The following C21orf58 variants were observed in gnomAD, a reference collection of about 807,000 sequenced individuals.
C21orf58 encodes the protein uncharacterized protein C21orf58.
Under a neutral mutation model 35.8 loss-of-function variants are expected in C21orf58, and 34 were observed. That is an observed-to-expected ratio of 0.95 (90% confidence interval 0.72 to 1.26). The LOEUF is 1.26. C21orf58 is among the 50% of genes most tolerant of loss of function. The pLI, the probability that C21orf58 is intolerant of heterozygous loss-of-function variation, is 0.00. For synonymous variants in C21orf58, 191 were observed against 175.8 expected, an observed-to-expected ratio of 1.09 and a Z score of -0.68; for missense variants, 440 against 414.3, an observed-to-expected ratio of 1.06 and a Z score of -0.54.
chr21:46,320,109 A>ATT (rs752401484), intron 1 of C21orf58, among the ~76,000 whole-genome samples: 5 of 149,786 alleles, frequency 3.3e-5, no homozygotes, highest in Non-Finnish European at 7.4e-5. Flanking sequence ...CATCTTATGT[A>ATT]TTTTTTTTTG....
intron 6 of C21orf58, among the ~76,000 whole-genome samples, chr21:46,306,350 T>G (rs966060471): frequency 2.0e-5 from 3 of 149,086 alleles, no homozygotes; most frequent in Admixed American, 1.3e-4. Context: ...AATACAAAAA[T>G]TAGCTGGGCA....
chr21:46,318,627 G>A (rs1217043412), intron 1 of C21orf58: 2 of 1,096,810 alleles, frequency 1.8e-6, no homozygotes. Context: ...GGGAAGACAG[G>A]GTGGGGAGAC....
chr21:46,301,339 G>T lies in C21orf58; in HGVS notation c.*660C>A. On this transcript the variant is annotated 3_prime_UTR_variant, in exon 8 of 8. Transcript: ENST00000291691. The stretch of plus-strand genomic sequence containing the variant: ...TAAATTTATTTTTTGTAGAGACGGG[G>T]TCTTGCTATGTGACCCAGGCTGGTC... The T allele has an allele frequency of 2.8e-6, 1 of 354,122 alleles. No individual in the cohort carries two copies. Among genetic ancestry groups the T allele is most frequent in the Non-Finnish European group, 3.9e-6 (1 of 253,210 alleles). 21.9% of individuals were successfully genotyped at this position (354,122 alleles called of 1,614,324 possible).
chr21:46,323,865 CT>C lies in C21orf58; in HGVS notation c.-1128del, dbSNP rs1601721216. On this transcript the variant is annotated 5_prime_UTR_variant, in exon 1 of 8. Coordinates refer to ENST00000291691, the MANE Select transcript of C21orf58 (RefSeq NM_058180.5). Reference sequence around the variant, plus strand: ...GCCCGCGCGGGACCAGCAGCGCGAACTTTTTGCCGCTCGGCCAGCCTGGCAG... The same window carrying C: ...GCCCGCGCGGGACCAGCAGCGCGAACTTTTGCCGCTCGGCCAGCCTGGCAG... The C allele has an allele frequency of 1.6e-5, 6 of 377,206 alleles. No homozygotes were observed. In the East Asian group the frequency reaches 3.2e-4, roughly 20 times the overall value. 23.4% of individuals were successfully genotyped at this position (377,206 alleles called of 1,614,324 possible). A position where few individuals can be genotyped will look rare whatever the true frequency, so the allele number is the denominator to read the frequency against.
chr21:46,317,366 T>C, intron 2 of C21orf58, 98 bp from the exon 3 acceptor site: 1 of 1,540,544 alleles, frequency 6.5e-7, no homozygotes, highest in Non-Finnish European at 8.7e-7. Flanking sequence ...AAAAGAATGG[T>C]ACGTCAGGAG....
intron 6 of C21orf58, among the ~76,000 whole-genome samples, chr21:46,303,703 C>A (rs71326313): frequency 7.8e-4 from 43 of 55,130 alleles, no homozygotes; most frequent in Non-Finnish European, 1.3e-3. Context: ...CACACACACA[C>A]ACAAAATATA....
In C21orf58 at chr21:46,323,229, C is replaced by CAG. The variant is rs1276198092; in HGVS notation, c.-493_-492dup. On this transcript the variant is annotated 5_prime_UTR_variant, in exon 1 of 8. It introduces an in-frame stop codon into an upstream open reading frame of the 5' UTR. Transcript: ENST00000291691. ...GGGACTGTGTCCGGGCTTCGGTGTC[C>CAG]AGAGAGCTCCAAGACACCCAAACCT... The CAG allele has an allele frequency of 1.3e-5, 2 of 152,382 alleles. No homozygotes were observed. The highest frequency in any genetic ancestry group is 2.9e-5 in the Non-Finnish European group (2 of 68,156). 9.4% of individuals were successfully genotyped at this position (152,382 alleles called of 1,614,324 possible). A position where few individuals can be genotyped will look rare whatever the true frequency, so the allele number is the denominator to read the frequency against.
chr21:46,310,629 C>T (rs888364361), intron 6 of C21orf58, among the ~76,000 whole-genome samples: 8 of 151,516 alleles, frequency 5.3e-5, no homozygotes, highest in Non-Finnish European at 8.8e-5. Flanking sequence ...GCCAAAATGG[C>T]GAAAACCCAC....
chr21:46,321,312 G>A (rs1313889355), intron 1 of C21orf58, among the ~76,000 whole-genome samples: 1 of 152,104 alleles, frequency 6.6e-6, no homozygotes, highest in Non-Finnish European at 1.5e-5. Context: ...GGGACTACAG[G>A]TACGTGCCAT....
chr21:46,318,687 G>A (rs866081755), intron 1 of C21orf58: 13 of 1,046,956 alleles, frequency 1.2e-5, no homozygotes, highest in Middle Eastern at 4.6e-4. Flanking sequence ...TCAGGAAATT[G>A]CAGGCAGCAG....
chr21:46,305,923 C>A (rs570948550), intron 6 of C21orf58, among the ~76,000 whole-genome samples: 30 of 150,718 alleles, frequency 2.0e-4, no homozygotes, highest in Non-Finnish European at 3.8e-4. Context: ...GCCTGGCAGA[C>A]AGCGAGACTC....
At chr21:46,303,577 C>T (rs942409252) in intron 6 of C21orf58, among the ~76,000 whole-genome samples, 4 of 149,850 alleles carry the variant, frequency 2.7e-5, no homozygotes, top group Non-Finnish European at 5.9e-5. Context: ...TAAGGCCAGG[C>T]ACGGTGGCTC....
chr21:46,310,263 G>A (rs974008302), intron 6 of C21orf58, among the ~76,000 whole-genome samples: 5 of 152,170 alleles, frequency 3.3e-5, no homozygotes, highest in African/African-American at 1.2e-4. Context: ...GATTGCCTGA[G>A]GTCAGGAGTT....
chr21:46,318,578 G>C (rs1331363422), intron 1 of C21orf58: 2 of 1,167,328 alleles, frequency 1.7e-6, no homozygotes, highest in African/African-American at 1.6e-5. Context: ...TGCCTCCAGG[G>C]TGTTAATACC....
chr21:46,319,190 C>G (rs1205117079), intron 1 of C21orf58: 6 of 152,414 alleles, frequency 3.9e-5, no homozygotes, highest in African/African-American at 1.2e-4. Flanking sequence ...GGAGGTCAGG[C>G]TCACAGAGGC....
In C21orf58 at chr21:46,302,573, A is replaced by G. The variant is rs1239116570; in HGVS notation, c.725T>C (p.Met242Thr). Residue 242 changes from methionine to threonine, a missense_variant, in exon 7 of 8, where the codon ATG becomes ACG. Physicochemically the swap from Met to Thr is moderately conservative, Grantham distance 81. Transcript: ENST00000291691. Reference protein sequence around the residue: ...TQRSGSIKEDMVELLLLQNAQ... With the variant: ...TQRSGSIKEDTVELLLLQNAQ... ...GTTCTGCAGCAGCAGCAGCTCCACC[A>G]TGTCTGCAGGGAAGAAGCAGGGGGA... 2.5e-6 allele frequency: 4 copies of G among 1,610,712 alleles called. No homozygotes were observed. In the South Asian group the frequency reaches 4.4e-5, roughly 18 times the overall value.
intron 1 of C21orf58, among the ~76,000 whole-genome samples, chr21:46,319,861 C>T (rs1433354372): frequency 6.6e-6 from 1 of 151,824 alleles, no homozygotes; most frequent in African/African-American, 2.4e-5. Flanking sequence ...TGCGCCACAG[C>T]ACTCCAGCCT....
chr21:46,302,180 G>A, intron 7 of C21orf58, 26 bp from the exon 8 acceptor site: 1 of 1,453,580 alleles, frequency 6.9e-7, no homozygotes, highest in African/African-American at 1.4e-5. Context: ...CTGCTGCTTA[G>A]GACGCAGCCC....
chr21:46,303,730 TATATATA>T (rs2082255349), intron 6 of C21orf58, among the ~76,000 whole-genome samples: 3 of 28,732 alleles, frequency 1.0e-4, no homozygotes, highest in Non-Finnish European at 2.0e-4. Context: ...TATATATATA[TATATATA>T]TATATATATT....
Sources: gnomAD v4.1 joint callset for allele counts (sites outside exome capture counted in the v4.1 genomes callset) on GRCh38, gnomAD v4.1.1 for gene constraint, MANE v1.5 for transcripts, NCBI Gene and HGNC (gene_info 2026-07-23, HGNC 2026-07-21) for gene names.